The following ATMIN variants were observed in gnomAD, a reference collection of about 807,000 sequenced individuals.
ATMIN encodes the protein ATM interactor.
A neutral mutation model predicts 49.2 loss-of-function variants in ATMIN; 24 were observed. The observed-to-expected ratio is 0.49, with a 90% confidence interval of 0.35 to 0.69. The LOEUF is 0.69. Ranked by LOEUF, ATMIN falls within the 30% of genes least tolerant of loss-of-function variation. The pLI is 0.00. For synonymous variants in ATMIN, 450 were observed against 392.5 expected (o/e 1.15, Z -1.73); for missense variants, 1,037 against 1,005.5 (o/e 1.03, Z -0.42).
At position 81,043,308 on chromosome 16, in the gene ATMIN, T is replaced by C. The variant is rs1456852513; in HGVS notation, c.810T>C (p.Ser270=). 1.2e-6 allele frequency: 2 copies of C among 1,614,146 alleles called. No homozygotes were observed. Among genetic ancestry groups the C allele is most frequent in the Non-Finnish European group, 8.5e-7 (1 of 1,180,016 alleles). Residue 270 remains serine (S), a synonymous_variant, in exon 4 of 4, where the codon TCT becomes TCC. Transcript: ENST00000299575. ...LEASEIKLEP[S]FEDSCGSNTD... is the part of the protein sequence containing the mutation. Reference sequence around the variant, plus strand: ...CTTCAGAAATAAAGCTAGAACCATCTTTTGAAGACTCTTGTGGCTCTAACA... The same window carrying C: ...CTTCAGAAATAAAGCTAGAACCATCCTTTGAAGACTCTTGTGGCTCTAACA...
chr16:81,038,045 C>A (rs1409915463), intron 1 of ATMIN, among the ~76,000 whole-genome samples: 1 of 152,104 alleles, frequency 6.6e-6, no homozygotes, highest in Non-Finnish European at 1.5e-5. Flanking sequence ...CTTTAAAGAC[C>A]CTGGTAAACA....
chr16:81,042,170 G>A, intron 2 of ATMIN, 111 bp from the exon 3 acceptor site: 3 of 929,210 alleles, frequency 3.2e-6, no homozygotes, highest in Non-Finnish European at 3.3e-6. Context: ...TGTATTTTAT[G>A]TTATTTATAT....
intron 2 of ATMIN, 174 bp downstream of exon 2, chr16:81,041,655 G>C (rs1236594691): frequency 1.4e-6 from 1 of 709,076 alleles, no homozygotes; most frequent in East Asian, 2.8e-5. Context: ...AGGGAAAAGC[G>C]GCACGGTCTG....
chr16:81,039,905 AATAAG>A (rs1971011250), intron 1 of ATMIN, among the ~76,000 whole-genome samples: 1 of 152,206 alleles, frequency 6.6e-6, no homozygotes, highest in Admixed American at 6.5e-5. Context: ...TTAAATTTAG[AATAAG>A]ATGACAAAGC....
intron 1 of ATMIN, among the ~76,000 whole-genome samples, chr16:81,039,411 C>G (rs1971002394): frequency 6.6e-6 from 1 of 152,286 alleles, no homozygotes; most frequent in South Asian, 2.1e-4. Flanking sequence ...CAAAACACCC[C>G]ACCCCCAACC....
chr16:81,042,387 C>G lies in ATMIN; in HGVS notation c.569C>G (p.Thr190Ser). The G allele has an allele frequency of 6.2e-7, 1 of 1,614,152 alleles. No individual in the cohort carries two copies. The highest frequency in any genetic ancestry group is 2.2e-5 in the East Asian group (1 of 44,884). Reference sequence around the variant, plus strand: ...AGACATGCAGAGGACTGTGGCAAGACCTTCCGGTGCACATGCGGCTGTCCC... The same window carrying G: ...AGACATGCAGAGGACTGTGGCAAGAGCTTCCGGTGCACATGCGGCTGTCCC... ...LKRHAEDCGKTFRCTCGCPYA... is the reference protein window; with the variant it reads ...LKRHAEDCGKSFRCTCGCPYA... The change falls in exon 3 of 4, where the codon ACC (threonine) becomes AGC (serine). Residue 190 changes from threonine (T) to serine (S), a missense_variant. Thr to Ser is a moderately conservative substitution (Grantham distance 58, BLOSUM62 1). Transcript: ENST00000299575.
At position 81,044,310 on chromosome 16, in the gene ATMIN, T is replaced by C. The variant is rs2257378; in HGVS notation, c.1812T>C (p.Ala604=). The part of the protein sequence containing the change: ...LENILSSNLP[A]QTLDHRSLLS... ...ACATCTTGTCAAGTAATCTGCCTGC[T>C]CAGACATTGGATCATCGTAGTCTTT... The change falls in exon 4 of 4, where the codon GCT becomes GCC. Residue 604 remains alanine (A), a synonymous_variant. Coordinates refer to ENST00000299575, the MANE Select transcript of ATMIN (RefSeq NM_015251.3). 1,377,515 of 1,613,894 alleles carry C rather than the reference T, an allele frequency of 0.85. 596,383 individuals are homozygous for C. The highest frequency in any genetic ancestry group is 0.89 in the Middle Eastern group (5,419 of 6,062).
At chr16:81,037,796 C>A (rs1396064581) in intron 1 of ATMIN, among the ~76,000 whole-genome samples, 2 of 151,914 alleles carry the variant, frequency 1.3e-5, no homozygotes, top group Admixed American at 6.6e-5. Context: ...CCACCACACC[C>A]TGCTAATTTT....
chr16:81,037,378 C>T (rs1970957230), intron 1 of ATMIN: 3 of 985,408 alleles, frequency 3.0e-6, no homozygotes, highest in South Asian at 4.7e-5. Context: ...ACAGATGTGT[C>T]GCCAATGAAG....
At chr16:81,039,840 G>T (rs1971010321) in intron 1 of ATMIN, among the ~76,000 whole-genome samples, 1 of 152,112 alleles carries the variant, frequency 6.6e-6, no homozygotes, top group African/African-American at 2.4e-5. Flanking sequence ...ATTTTTTAAG[G>T]AAAGGAAAGG....
At chr16:81,037,261 G>C in intron 1 of ATMIN, 1 of 985,466 alleles carries the variant, frequency 1.0e-6, no homozygotes, top group African/African-American at 1.7e-5. Flanking sequence ...TTGATGATCA[G>C]GAGTAAATTT....
intron 3 of ATMIN, among the ~76,000 whole-genome samples, 155 bp downstream of exon 3, chr16:81,042,635 G>T (rs866010387): frequency 6.6e-6 from 1 of 152,192 alleles, no homozygotes; most frequent in South Asian, 2.1e-4. Context: ...AGCAGGTCTT[G>T]CAAATGACAC....
chr16:81,044,897 A>G lies in ATMIN; in HGVS notation c.2399A>G (p.Asn800Ser), dbSNP rs1200760704. 1.2e-6 allele frequency: 2 copies of G among 1,614,154 alleles called. No homozygotes were observed. Among genetic ancestry groups the G allele is most frequent in the Non-Finnish European group, 1.7e-6 (2 of 1,179,996 alleles). ...TTTCTTCTGGCTGATCTGGCCTGGAACACGATGGAGTCTCAGTTCAGCTCT... is the reference window on the plus strand; with the variant it reads ...TTTCTTCTGGCTGATCTGGCCTGGAGCACGATGGAGTCTCAGTTCAGCTCT... Reference protein sequence around the residue: ...DDFLLADLAWNTMESQFSSVE... With the variant: ...DDFLLADLAWSTMESQFSSVE... The change falls in exon 4 of 4, where the codon AAC (asparagine) becomes AGC (serine). Residue 800 changes from asparagine to serine, a missense_variant. Coordinates refer to ENST00000299575, the MANE Select transcript of ATMIN (RefSeq NM_015251.3).
At chr16:81,038,283 A>G (rs2151737517) in intron 1 of ATMIN, among the ~76,000 whole-genome samples, 1 of 152,092 alleles carries the variant, frequency 6.6e-6, no homozygotes, top group Non-Finnish European at 1.5e-5. Flanking sequence ...GGTGCATACC[A>G]CCACGCCCAG....
chr16:81,036,085 C>T lies in ATMIN; in HGVS notation c.215C>T (p.Ser72Leu). The change falls in exon 1 of 4, where the codon TCG (serine) becomes TTG (leucine). Residue 72 changes from serine to leucine, a missense_variant. Transcript: ENST00000299575. ...APPAGELIQP[S>L]VSELSRAVRT... is the part of the protein sequence containing the mutation. The stretch of plus-strand genomic sequence containing the variant: ...CCGGCGGGGGAGCTGATCCAGCCGT[C>T]GGTGAGCGAGCTGTCCCGGGCCGTG... 1 of 1,348,030 alleles carries T rather than the reference C, an allele frequency of 7.4e-7. No homozygotes were observed. The highest frequency in any genetic ancestry group is 9.6e-7 in the Non-Finnish European group (1 of 1,037,310). The allele number at this position is 1,348,030 out of a possible 1,614,324, so 83.5% of individuals were successfully genotyped here. A position where few individuals can be genotyped will look rare whatever the true frequency, so the allele number is the denominator to read the frequency against.
intron 1 of ATMIN, among the ~76,000 whole-genome samples, chr16:81,039,535 T>C (rs748070115): frequency 2.6e-5 from 4 of 152,184 alleles, no homozygotes; most frequent in African/African-American, 4.8e-5. Context: ...GTGCCTAAGG[T>C]ATATGGCCAT....
At position 81,045,582 on chromosome 16, in the gene ATMIN, T is replaced by A. The variant is rs1274452625; in HGVS notation, c.*612T>A. The A allele has an allele frequency of 1.3e-5, 2 of 152,806 alleles. No homozygotes were observed. Among genetic ancestry groups the A allele is most frequent in the African/African-American group, 4.8e-5 (2 of 41,450 alleles). The allele number at this position is 152,806 out of a possible 1,614,324, so 9.5% of individuals were successfully genotyped here. A position where few individuals can be genotyped will look rare whatever the true frequency, so the allele number is the denominator to read the frequency against. ...TAGCTTTGAAGCAGTTTTCATGTAA[T>A]CATTGCCACCTCTTCGCTACATGAA... On this transcript the variant is annotated 3_prime_UTR_variant, in exon 4 of 4. Transcript: ENST00000299575.
chr16:81,043,326 C>G lies in ATMIN; in HGVS notation c.828C>G (p.Gly276=). The G allele has an allele frequency of 1.2e-6, 2 of 1,613,992 alleles. No homozygotes were observed. Among genetic ancestry groups the G allele is most frequent in the East Asian group, 4.5e-5 (2 of 44,862 alleles). Residue 276 remains glycine, a synonymous_variant, in exon 4 of 4, where the codon GGC becomes GGG. Transcript: ENST00000299575. ...AACCATCTTTTGAAGACTCTTGTGG[C>G]TCTAACACTGACAAGCAGACTCTTA... ...KLEPSFEDSC[G]SNTDKQTLTT...
Position 81,035,847 on chromosome 16 carries a change from G to A in ATMIN, c.-24G>A. On this transcript the variant is annotated 5_prime_UTR_variant, in exon 1 of 4. Transcript: ENST00000299575. ...GCGGCGGGGGCGGGGCCTACGAACT[G>A]GGCCGGGCGGCCGTGCGGGAGCCAT... The A allele has an allele frequency of 1.3e-6, 1 of 769,504 alleles. No individual in the cohort carries two copies. The highest frequency in any genetic ancestry group is 1.6e-6 in the Non-Finnish European group (1 of 633,564). The allele number at this position is 769,504 out of a possible 1,614,324, so 47.7% of individuals were successfully genotyped here.
Sources: gnomAD v4.1 joint callset for allele counts (sites outside exome capture counted in the v4.1 genomes callset) on GRCh38, gnomAD v4.1.1 for gene constraint, MANE v1.5 for transcripts, NCBI Gene and HGNC (gene_info 2026-07-23, HGNC 2026-07-21) for gene names.